GRK4: variants seen among roughly 807,000 people sequenced by gnomAD.
GRK4 encodes the protein G protein-coupled receptor kinase 2-like.
In GRK4, 73 loss-of-function variants were observed where a neutral mutation model predicts 77.9. That is an observed-to-expected ratio of 0.94 (90% CI 0.78 to 1.14). GRK4 has a LOEUF of 1.14. Ranked by LOEUF, GRK4 falls within the 50% of genes most tolerant of loss-of-function variation. The pLI, the probability that GRK4 is intolerant of heterozygous loss-of-function variation, is 0.00. For missense variants in GRK4, 729 were observed against 700.2 expected, an observed-to-expected ratio of 1.04 and a Z score of -0.46; for synonymous variants, 257 against 254.4, an observed-to-expected ratio of 1.01 and a Z score of -0.10.
At chr4:3,030,044 A>G (rs1231550020) in intron 12 of GRK4, among the ~76,000 whole-genome samples, 1 of 152,204 alleles carries the variant, frequency 6.6e-6, no homozygotes, top group African/African-American at 2.4e-5. Flanking sequence ...CCAATTTTAT[A>G]TGAAGTTAGA....
intron 4 of GRK4, among the ~76,000 whole-genome samples, chr4:2,997,756 ATAT>A (rs1342095707): frequency 6.6e-5 from 10 of 151,892 alleles, no homozygotes; most frequent in Non-Finnish European, 1.5e-4. Context: ...AAAAATACAA[ATAT>A]TAGCCGGCCA....
chr4:3,016,223 T>G (rs1734452609), intron 8 of GRK4, among the ~76,000 whole-genome samples: 1 of 149,476 alleles, frequency 6.7e-6, no homozygotes, highest in Non-Finnish European at 1.5e-5. Context: ...CAAAAAAAAT[T>G]TTTTTTAAAA....
chr4:2,964,164 C>A, intron 1 of GRK4, 42 bp downstream of exon 1: 23 of 1,452,584 alleles, frequency 1.6e-5, no homozygotes, highest in Non-Finnish European at 2.0e-5. Context: ...CCCCAGAGAA[C>A]CCCGAATCCC....
intron 1 of GRK4, among the ~76,000 whole-genome samples, chr4:2,967,436 T>G (rs1365674089): frequency 6.6e-6 from 1 of 152,234 alleles, no homozygotes; most frequent in Non-Finnish European, 1.5e-5. Context: ...AGTCTCACTC[T>G]GTCACCCAGG....
intron 1 of GRK4, among the ~76,000 whole-genome samples, chr4:2,972,044 G>A (rs957840975): frequency 6.6e-6 from 1 of 152,158 alleles, no homozygotes; most frequent in African/African-American, 2.4e-5. Context: ...TAACATAAAC[G>A]TTTTTTAGGA....
chr4:3,016,722 A>C (rs1169725289), intron 8 of GRK4, among the ~76,000 whole-genome samples: 2 of 151,902 alleles, frequency 1.3e-5, no homozygotes, highest in Admixed American at 1.3e-4. Context: ...AAACAAAAAA[A>C]AAAATACAAA....
At chr4:2,965,485 G>T in intron 1 of GRK4, 1 of 702,848 alleles carries the variant, frequency 1.4e-6, no homozygotes, top group South Asian at 1.5e-5. Context: ...GCTCTGCTCG[G>T]ACTGTGCTCC....
In GRK4 at chr4:3,029,314, A is replaced by G. The variant is rs923530313; in HGVS notation, c.1174A>G (p.Lys392Glu). Residue 392 changes from lysine to glutamate, a missense_variant, in exon 12 of 16, where the codon AAA (lysine) becomes GAA (glutamate). Transcript: ENST00000398052. ...GHSPFKKYKEKVKWEEVDQRI... is the reference protein window; with the variant it reads ...GHSPFKKYKEEVKWEEVDQRI... ...TTCTCCATTCAAAAAATACAAAGAG[A>G]AAGTCAAATGGGAGGAGGTCGATCA... is the stretch of plus-strand genomic sequence containing the variant. The G allele has an allele frequency of 1.9e-6, 3 of 1,614,054 alleles. No individual in the cohort carries two copies. In the Admixed American group the frequency reaches 5.0e-5, roughly 27 times the overall value.
At position 2,984,536 on chromosome 4, in the gene GRK4, C is replaced by A; in HGVS notation, c.76C>A (p.Arg26Ser). ...AGGAGGATATGGCAAAAAAAGTGGT[C>A]GTAGTAAAAAATGGAAGGAGATACT... is the stretch of plus-strand genomic sequence containing the variant. The part of the protein sequence containing the change: ...RQGGYGKKSG[R>S]SKKWKEILTL... The change falls in exon 2 of 16, where the codon CGT (arginine) becomes AGT (serine). Residue 26 changes from arginine (R) to serine (S), a missense_variant. Coordinates refer to ENST00000398052, the MANE Select transcript of GRK4 (RefSeq NM_182982.3). 2 of 1,612,312 alleles carry A rather than the reference C, an allele frequency of 1.2e-6. No individual in the cohort carries two copies. The highest frequency in any genetic ancestry group is 2.2e-5 in the South Asian group (2 of 90,854).
At chr4:3,035,002 A>G (rs1429526296) in intron 12 of GRK4, among the ~76,000 whole-genome samples, 2 of 152,108 alleles carry the variant, frequency 1.3e-5, no homozygotes, top group African/African-American at 4.8e-5. Context: ...TCACGACTGT[A>G]ATCCCAGCAC....
intron 2 of GRK4, chr4:2,986,844 AT>A (rs1308569092): frequency 2.9e-6 from 1 of 349,206 alleles, no homozygotes; most frequent in Admixed American, 4.0e-5. Context: ...ATGATGAAGT[AT>A]TATATTTATA....
chr4:2,977,641 G>A lies in GRK4; in HGVS notation c.53-6872G>A, dbSNP rs556452732. The stretch of plus-strand genomic sequence containing the variant: ...GACTGTGCTTTGTGCAGTCATTGAG[G>A]ATTCCAGGCTGGCAGAAGTTCTGAG... On this transcript the variant is annotated intron_variant, in intron 1 of 15. Transcript: ENST00000398052. Among the ~76,000 whole-genome samples the A allele has an allele frequency of 3.3e-4, 50 of 152,308 alleles. No homozygotes were observed. In the South Asian group the frequency reaches 8.3e-3, roughly 25 times the overall value.
chr4:3,024,256 T>G (rs1736813036), intron 10 of GRK4, among the ~76,000 whole-genome samples: 1 of 152,162 alleles, frequency 6.6e-6, no homozygotes, highest in African/African-American at 2.4e-5. Context: ...TTCCTTTTTT[T>G]AAAGTTCTTT....
At chr4:3,011,844 T>C (rs1733005739) in intron 7 of GRK4, among the ~76,000 whole-genome samples, 1 of 152,240 alleles carries the variant, frequency 6.6e-6, no homozygotes, top group Admixed American at 6.5e-5. Context: ...TGTAGGGTCC[T>C]GAGTGAGCAC....
At chr4:2,987,817 G>A (rs896144640) in intron 2 of GRK4, among the ~76,000 whole-genome samples, 13 of 151,876 alleles carry the variant, frequency 8.6e-5, no homozygotes, top group Non-Finnish European at 1.5e-5. Flanking sequence ...GACTCATGCC[G>A]GTAATCTCAG....
chr4:2,969,986 G>C (rs60635068), intron 1 of GRK4, among the ~76,000 whole-genome samples: 10,573 of 152,192 alleles, frequency 0.069, 383 homozygotes, highest in African/African-American at 0.096. Flanking sequence ...CGGCCTATTA[G>C]AATTTTCAAC....
intron 4 of GRK4, among the ~76,000 whole-genome samples, chr4:2,999,109 G>C (rs1435002005): frequency 6.6e-6 from 1 of 152,170 alleles, no homozygotes; most frequent in Non-Finnish European, 1.5e-5. Context: ...GAATACCTGA[G>C]ATTGGGTAAT....
intron 4 of GRK4, among the ~76,000 whole-genome samples, chr4:3,000,891 A>G (rs932480634): frequency 6.6e-6 from 1 of 151,838 alleles, no homozygotes; most frequent in African/African-American, 2.4e-5. Flanking sequence ...TTAAATAGGA[A>G]AATGAATGGA....
Position 3,031,661 on chromosome 4 carries a change from A to G in GRK4, c.1269+2252A>G, listed in dbSNP as rs533051686. On this transcript the variant is annotated intron_variant, in intron 12 of 15. Coordinates refer to ENST00000398052, the MANE Select transcript of GRK4 (RefSeq NM_182982.3). ...AAAGCATGGTCCAAGTTGGGAGTCC[A>G]TACACCTCCAGGCCAGAGTTAGAAA... Among the ~76,000 whole-genome samples, 10 of 152,320 alleles carry G rather than the reference A, an allele frequency of 6.6e-5. 1 individual carries two copies. In the South Asian group the frequency reaches 1.9e-3, roughly 28 times the overall value.
Sources: allele counts gnomAD v4.1 joint callset (sites outside exome capture counted in the v4.1 genomes callset), GRCh38; gene constraint gnomAD v4.1.1; transcripts MANE v1.5; gene names NCBI Gene and HGNC (gene_info 2026-07-23, HGNC 2026-07-21).